The following ZFHX4 variants were observed in gnomAD, a reference collection of about 807,000 sequenced individuals.
The protein encoded by ZFHX4 is zinc finger homeobox protein 4.
Under a neutral mutation model 267.6 loss-of-function variants are expected in ZFHX4, and 56 were observed. The observed-to-expected ratio is 0.21, with a 90% confidence interval of 0.17 to 0.26. ZFHX4 has a LOEUF of 0.26. Among genes scored for constraint, ZFHX4 ranks in the 10% least tolerant of loss-of-function variants. The pLI is 1.00. For synonymous variants in ZFHX4, 1,778 were observed against 1,665.6 expected (o/e 1.07, Z -1.64); for missense variants, 4,332 against 4,420.0 (o/e 0.98, Z 0.56).
intron 3 of ZFHX4, among the ~76,000 whole-genome samples, chr8:76,743,064 G>A (rs570850648): frequency 1.5e-4 from 23 of 152,178 alleles, no homozygotes; most frequent in African/African-American, 4.6e-4. Flanking sequence ...AACCATTTAC[G>A]CCTTTTACAT....
At chr8:76,694,328 A>G (rs929427352) in intron 1 of ZFHX4, among the ~76,000 whole-genome samples, 1 of 152,186 alleles carries the variant, frequency 6.6e-6, no homozygotes, top group Admixed American at 6.5e-5. Context: ...TCAAAGTGGA[A>G]TTGTTTTTGA....
chr8:76,832,038 G>A (rs1430966034), intron 4 of ZFHX4, among the ~76,000 whole-genome samples: 1 of 150,972 alleles, frequency 6.6e-6, no homozygotes, highest in Non-Finnish European at 1.5e-5. Flanking sequence ...TGATTGTATT[G>A]TTTTTAAATA....
In ZFHX4 at chr8:76,799,166, G is replaced by T. The variant is rs75817860; in HGVS notation, c.3325+20727G>T. The stretch of plus-strand genomic sequence containing the variant: ...TCGCACAGGGTATATTTTTCATCAC[G>T]CTGTCCAGTCACATGCTGAGATTCT... On this transcript the variant is annotated intron_variant, in intron 4 of 10. Transcript: ENST00000651372. Among the ~76,000 whole-genome samples the T allele has an allele frequency of 4.1e-3, 630 of 151,996 alleles. 6 individuals are homozygous for T. The highest frequency in any genetic ancestry group is 0.013 in the African/African-American group (519 of 41,458).
At chr8:76,840,130 A>G (rs1318663537) in intron 5 of ZFHX4, among the ~76,000 whole-genome samples, 1 of 152,212 alleles carries the variant, frequency 6.6e-6, no homozygotes, top group Non-Finnish European at 1.5e-5. Flanking sequence ...ACCACAAAAC[A>G]GATCTGAATT....
chr8:76,841,228 G>A (rs1381039426), intron 5 of ZFHX4, among the ~76,000 whole-genome samples: 1 of 152,108 alleles, frequency 6.6e-6, no homozygotes, highest in Non-Finnish European at 1.5e-5. Flanking sequence ...TTCCTATTGA[G>A]CCCAGAACTG....
chr8:76,780,934 T>C (rs1810530236), intron 4 of ZFHX4, among the ~76,000 whole-genome samples: 1 of 152,102 alleles, frequency 6.6e-6, no homozygotes, highest in South Asian at 2.1e-4. Context: ...TGGATTGACT[T>C]TGTATAGGAC....
At chr8:76,793,227 T>C (rs1256889155) in intron 4 of ZFHX4, among the ~76,000 whole-genome samples, 2 of 152,066 alleles carry the variant, frequency 1.3e-5, no homozygotes, top group Non-Finnish European at 2.9e-5. Context: ...CTATCTTTGA[T>C]TAGGGGTGAA....
intron 4 of ZFHX4, among the ~76,000 whole-genome samples, chr8:76,818,960 G>C (rs1811574125): frequency 6.6e-6 from 1 of 151,822 alleles, no homozygotes; most frequent in African/African-American, 2.4e-5. Flanking sequence ...CAACTAAATA[G>C]AAGCAATGAA....
intron 3 of ZFHX4, among the ~76,000 whole-genome samples, chr8:76,771,983 G>A (rs955556059): frequency 2.0e-5 from 3 of 152,106 alleles, no homozygotes; most frequent in Non-Finnish European, 4.4e-5. Context: ...ATGGTATAAT[G>A]GTTAGAAGCA....
chr8:76,793,791 A>C (rs1228152981), intron 4 of ZFHX4, among the ~76,000 whole-genome samples: 1 of 152,074 alleles, frequency 6.6e-6, no homozygotes, highest in Non-Finnish European at 1.5e-5. Flanking sequence ...TTTAAACACT[A>C]ATACTGGTGG....
At chr8:76,713,318 T>TAGATA in intron 3 of ZFHX4, among the ~76,000 whole-genome samples, 1 of 146,480 alleles carries the variant, frequency 6.8e-6, no homozygotes, top group South Asian at 2.1e-4. Context: ...GATAGATAGA[T>TAGATA]GATAGACAGA....
At chr8:76,739,530 C>G (rs950722451) in intron 3 of ZFHX4, among the ~76,000 whole-genome samples, 1 of 151,880 alleles carries the variant, frequency 6.6e-6, no homozygotes, top group Non-Finnish European at 1.5e-5. Flanking sequence ...GTGGGGCAGG[C>G]AAGAGGACAA....
rs144397783 is a variant in ZFHX4 at position 76,681,527 on chromosome 8, T to C, written c.-140T>C. The stretch of plus-strand genomic sequence containing the variant: ...TTTTTTTTGTTTTTTTAATGAACCC[T>C]CTCGTTTTACTTGGATGTGATCAGC... On this transcript the variant is annotated 5_prime_UTR_variant, in exon 1 of 11. Coordinates refer to ENST00000651372, the MANE Select transcript of ZFHX4 (RefSeq NM_024721.5). 2.3e-3 allele frequency: 932 copies of C among 398,284 alleles called. 11 individuals are homozygous for C. The highest frequency in any genetic ancestry group is 0.018 in the African/African-American group (866 of 48,522). The allele number at this position is 398,284 out of a possible 1,614,324, so 24.7% of individuals were successfully genotyped here. A position where few individuals can be genotyped will look rare whatever the true frequency, so the allele number is the denominator to read the frequency against.
chr8:76,686,261 G>C (rs772217751), intron 1 of ZFHX4, among the ~76,000 whole-genome samples: 1 of 152,222 alleles, frequency 6.6e-6, no homozygotes, highest in East Asian at 1.9e-4. Flanking sequence ...AGGACAAAAG[G>C]CTCTTTAATC....
intron 4 of ZFHX4, among the ~76,000 whole-genome samples, chr8:76,788,120 T>C (rs1411477117): frequency 6.6e-6 from 1 of 152,202 alleles, no homozygotes; most frequent in Non-Finnish European, 1.5e-5. Flanking sequence ...TTTGGAATCT[T>C]ATGAAGGGAA....
chr8:76,830,297 A>T (rs1208382840), intron 4 of ZFHX4, among the ~76,000 whole-genome samples: 1 of 152,226 alleles, frequency 6.6e-6, no homozygotes, highest in East Asian at 1.9e-4. Flanking sequence ...AATTGACAGG[A>T]TAGAGTAGAA....
chr8:76,862,362 T>C (rs1358111108), intron 10 of ZFHX4, among the ~76,000 whole-genome samples: 1 of 152,186 alleles, frequency 6.6e-6, no homozygotes, highest in Non-Finnish European at 1.5e-5. Context: ...TAAAGTTGAC[T>C]GTTAATATAT....
At chr8:76,689,224 G>A (rs1156887966) in intron 1 of ZFHX4, among the ~76,000 whole-genome samples, 1 of 152,074 alleles carries the variant, frequency 6.6e-6, no homozygotes. Flanking sequence ...AAGAAAATGT[G>A]TTAATTTAAA....
chr8:76,863,923 T>C lies in ZFHX4; in HGVS notation c.10209T>C (p.Phe3403=). Residue 3403 remains phenylalanine, a synonymous_variant, in exon 11 of 11, where the codon TTT becomes TTC. Transcript: ENST00000651372. ...TTGTTCCATTCGTCAAGTATGAGTT[T>C]ATATGCAGAAAGTGCCAGATGATGT... ...TYVVPFVKYE[F]ICRKCQMMFT... The C allele has an allele frequency of 1.3e-6, 2 of 1,594,748 alleles. No individual in the cohort carries two copies. The highest frequency in any genetic ancestry group is 1.7e-6 in the Non-Finnish European group (2 of 1,169,938).
Sources: gnomAD v4.1 joint callset for allele counts (sites outside exome capture counted in the v4.1 genomes callset) on GRCh38, gnomAD v4.1.1 for gene constraint, MANE v1.5 for transcripts, NCBI Gene and HGNC (gene_info 2026-07-23, HGNC 2026-07-21) for gene names.